Variants in ZNF385B observed in about 807,000 individuals in gnomAD.
The protein encoded by ZNF385B is zinc finger protein 385B.
Under a neutral mutation model 39.2 loss-of-function variants are expected in ZNF385B, and 23 were observed. That is an observed-to-expected ratio of 0.59 (90% CI 0.42 to 0.83). The LOEUF (loss-of-function observed/expected upper bound fraction) is 0.83. ZNF385B is among the 40% of genes least tolerant of loss of function. ZNF385B has a pLI of 0.00. For missense variants in ZNF385B, 552 were observed against 598.9 expected, an observed-to-expected ratio of 0.92 and a Z score of 0.82; for synonymous variants, 205 against 222.6, an observed-to-expected ratio of 0.92 and a Z score of 0.70.
intron 4 of ZNF385B, among the ~76,000 whole-genome samples, chr2:179,535,079 T>C (rs2059479290): frequency 1.3e-5 from 2 of 152,162 alleles, no homozygotes; most frequent in South Asian, 4.1e-4. Flanking sequence ...TGGGTCTACC[T>C]GGGAAAAACA....
chr2:179,476,242 T>A (rs2053437840), intron 6 of ZNF385B, among the ~76,000 whole-genome samples: 1 of 152,142 alleles, frequency 6.6e-6, no homozygotes, highest in African/African-American at 2.4e-5. Flanking sequence ...GCATTTATGG[T>A]TATACATTTA....
At chr2:179,729,736 G>C (rs2106424691) in intron 3 of ZNF385B, among the ~76,000 whole-genome samples, 1 of 152,316 alleles carries the variant, frequency 6.6e-6, no homozygotes, top group East Asian at 1.9e-4. Context: ...CATGTGTCGA[G>C]GCAGAGACCA....
chr2:179,752,086 C>T (rs1702713193), intron 3 of ZNF385B, among the ~76,000 whole-genome samples: 1 of 152,022 alleles, frequency 6.6e-6, no homozygotes, highest in Admixed American at 6.6e-5. Context: ...CCCTCCCCCT[C>T]TCCCCACCCC....
intron 3 of ZNF385B, among the ~76,000 whole-genome samples, chr2:179,767,930 TATA>T (rs1352593747): frequency 2.7e-5 from 4 of 148,186 alleles, no homozygotes; most frequent in Admixed American, 1.4e-4. Context: ...TTATTAATAA[TATA>T]ATATTATATA....
At chr2:179,637,497 G>GA (rs5836689) in intron 3 of ZNF385B, among the ~76,000 whole-genome samples, 134,649 of 148,860 alleles carry the variant, frequency 0.9, 60,897 homozygotes, top group East Asian at 1. Flanking sequence ...CAGTTACCAA[G>GA]AAAAAAAAAA....
At chr2:179,587,946 T>C (rs1205653557) in intron 3 of ZNF385B, among the ~76,000 whole-genome samples, 1 of 152,200 alleles carries the variant, frequency 6.6e-6, no homozygotes, top group African/African-American at 2.4e-5. Context: ...GATAAAATGG[T>C]CTTTCATATT....
intron 6 of ZNF385B, among the ~76,000 whole-genome samples, chr2:179,453,726 A>T (rs1313627407): frequency 6.6e-6 from 1 of 152,154 alleles, no homozygotes; most frequent in African/African-American, 2.4e-5. Flanking sequence ...CCTGGCTCAA[A>T]TCATGTTGTT....
chr2:179,758,090 G>A (rs766900786), intron 3 of ZNF385B, among the ~76,000 whole-genome samples: 1 of 152,024 alleles, frequency 6.6e-6, no homozygotes, highest in Non-Finnish European at 1.5e-5. Context: ...GTTCCTATTT[G>A]GCCATCTTGC....
chr2:179,576,794 G>C (rs1471961452), intron 3 of ZNF385B, among the ~76,000 whole-genome samples: 1 of 152,198 alleles, frequency 6.6e-6, no homozygotes, highest in East Asian at 1.9e-4. Flanking sequence ...AGCAGGAGCT[G>C]TTTGGATCTC....
At chr2:179,691,333 TA>T (rs552711643) in intron 3 of ZNF385B, among the ~76,000 whole-genome samples, 1 of 151,930 alleles carries the variant, frequency 6.6e-6, no homozygotes, top group Non-Finnish European at 1.5e-5. Context: ...TCTGCTCTGA[TA>T]AAAAAAATGA....
At chr2:179,511,129 C>T (rs1003222351) in intron 5 of ZNF385B, among the ~76,000 whole-genome samples, 1 of 152,162 alleles carries the variant, frequency 6.6e-6, no homozygotes, top group Non-Finnish European at 1.5e-5. Context: ...CTTGCTGCCT[C>T]ATGGCAGCTG....
At chr2:179,852,382 T>C (rs1377529689) in intron 1 of ZNF385B, among the ~76,000 whole-genome samples, 1 of 152,148 alleles carries the variant, frequency 6.6e-6, no homozygotes, top group Non-Finnish European at 1.5e-5. Context: ...GTTACAAAAA[T>C]ACGGTGAGTC....
chr2:179,545,737 CTA>C (rs2060192595), intron 3 of ZNF385B, among the ~76,000 whole-genome samples: 1 of 152,046 alleles, frequency 6.6e-6, no homozygotes, highest in Non-Finnish European at 1.5e-5. Flanking sequence ...GTTTTGTTGA[CTA>C]TTTTTAAATT....
intron 9 of ZNF385B, among the ~76,000 whole-genome samples, chr2:179,444,178 C>G (rs976886146): frequency 6.6e-6 from 1 of 152,182 alleles, no homozygotes; most frequent in Non-Finnish European, 1.5e-5. Flanking sequence ...CTGCTTGCAG[C>G]ATCAGACAGA....
intron 3 of ZNF385B, among the ~76,000 whole-genome samples, chr2:179,613,579 C>T (rs2106140279): frequency 6.6e-6 from 1 of 152,182 alleles, no homozygotes; most frequent in South Asian, 2.1e-4. Flanking sequence ...AGAATGGGGC[C>T]TTAGGACTCT....
chr2:179,719,407 T>TTACAAA (rs1419403304), intron 3 of ZNF385B, among the ~76,000 whole-genome samples: 1 of 152,156 alleles, frequency 6.6e-6, no homozygotes, highest in Admixed American at 6.6e-5. Context: ...TATATATCCA[T>TTACAAA]TACAAATACA....
At chr2:179,517,282 A>C (rs1376341537) in intron 5 of ZNF385B, among the ~76,000 whole-genome samples, 2 of 151,942 alleles carry the variant, frequency 1.3e-5, no homozygotes, top group Non-Finnish European at 2.9e-5. Flanking sequence ...TAATAAAAAA[A>C]CATTTTGAGA....
intron 1 of ZNF385B, among the ~76,000 whole-genome samples, chr2:179,828,174 G>C (rs1707783821): frequency 6.6e-6 from 1 of 152,084 alleles, no homozygotes; most frequent in African/African-American, 2.4e-5. Flanking sequence ...GAACATTCTT[G>C]TGTTTGGTGG....
chr2:179,831,441 G>T (rs1421126114), intron 1 of ZNF385B, among the ~76,000 whole-genome samples: 1 of 150,640 alleles, frequency 6.6e-6, no homozygotes, highest in Non-Finnish European at 1.5e-5. Flanking sequence ...CAGCAAAACT[G>T]CATGAACATT....
Sources: allele counts gnomAD v4.1 joint callset (sites outside exome capture counted in the v4.1 genomes callset), GRCh38; gene constraint gnomAD v4.1.1; transcripts MANE v1.5; gene names NCBI Gene and HGNC (gene_info 2026-07-23, HGNC 2026-07-21).